The following RIMS4 variants were observed in gnomAD, a reference collection of about 807,000 sequenced individuals.
The protein encoded by RIMS4 is regulating synaptic membrane exocytosis protein 4.
RIMS4 carries 9 observed loss-of-function variants against 29.0 expected under a neutral mutation model. The ratio of observed to expected loss-of-function variants is 0.31; its 90% CI spans 0.19 to 0.54. The LOEUF (loss-of-function observed/expected upper bound fraction) is 0.54. RIMS4 is among the 20% of genes least tolerant of loss of function. The pLI, the probability that RIMS4 is intolerant of heterozygous loss-of-function variation, is 0.94. For synonymous variants in RIMS4, 130 were observed against 152.9 expected (o/e 0.85, Z 1.10); for missense variants, 193 against 365.7 (o/e 0.53, Z 3.85).
chr20:44,758,739 T>C (rs955175645), intron 2 of RIMS4, among the ~76,000 whole-genome samples: 3 of 152,150 alleles, frequency 2.0e-5, no homozygotes, highest in Non-Finnish European at 4.4e-5. Flanking sequence ...GAGACAGGCA[T>C]GTAGCCCAGT....
At chr20:44,778,535 C>T (rs2066170317) in intron 1 of RIMS4, among the ~76,000 whole-genome samples, 3 of 152,106 alleles carry the variant, frequency 2.0e-5, no homozygotes, top group Admixed American at 6.6e-5. Flanking sequence ...AATTACTAGC[C>T]CACACTGTAG....
intron 2 of RIMS4, among the ~76,000 whole-genome samples, chr20:44,770,768 ATT>A (rs2066133604): frequency 6.6e-6 from 1 of 152,200 alleles, no homozygotes; most frequent in Non-Finnish European, 1.5e-5. Context: ...AGTAGTATAC[ATT>A]TTTCAAAACC....
intron 2 of RIMS4, among the ~76,000 whole-genome samples, chr20:44,769,922 G>A (rs907560315): frequency 5.3e-5 from 8 of 152,206 alleles, no homozygotes; most frequent in African/African-American, 1.4e-4. Context: ...CTGTTCAAAC[G>A]AATTTTCTAT....
chr20:44,802,346 C>T (rs1200556081), intron 1 of RIMS4, among the ~76,000 whole-genome samples: 1 of 152,170 alleles, frequency 6.6e-6, no homozygotes, highest in Non-Finnish European at 1.5e-5. Flanking sequence ...TATTATTATG[C>T]CCCATTTTAC....
At position 44,779,017 on chromosome 20, in the gene RIMS4, C is replaced by A. The variant is rs147517364; in HGVS notation, c.98-7604G>T. On this transcript the variant is annotated intron_variant, in intron 1 of 5. Transcript: ENST00000372851. ...CTTTGATTAAAACCCTTCAATGGCA[C>A]CCCATTGCTTGCAGAATAAATTCCA... Among the ~76,000 whole-genome samples, 772 of 152,302 alleles carry A rather than the reference C, an allele frequency of 5.1e-3. 6 individuals are homozygous for A. Among genetic ancestry groups the A allele is most frequent in the South Asian group, 7.0e-3 (34 of 4,824 alleles).
chr20:44,789,414 C>T (rs887602932), intron 1 of RIMS4, among the ~76,000 whole-genome samples: 17 of 152,254 alleles, frequency 1.1e-4, no homozygotes, highest in Non-Finnish European at 1.9e-4. Flanking sequence ...CTCCTGCCTC[C>T]GCCTCCTGAG....
intron 1 of RIMS4, among the ~76,000 whole-genome samples, chr20:44,798,746 C>A (rs1262657930): frequency 1.3e-5 from 2 of 152,238 alleles, no homozygotes; most frequent in African/African-American, 2.4e-5. Flanking sequence ...GCCATCCATT[C>A]TCCAGAGCTC....
At chr20:44,763,428 G>A (rs1275920999) in intron 2 of RIMS4, among the ~76,000 whole-genome samples, 1 of 152,244 alleles carries the variant, frequency 6.6e-6, no homozygotes, top group African/African-American at 2.4e-5. Context: ...GCCTGGGAGA[G>A]CCTCCTTGCC....
chr20:44,781,024 C>T (rs1260277994), intron 1 of RIMS4, among the ~76,000 whole-genome samples: 3 of 152,184 alleles, frequency 2.0e-5, no homozygotes, highest in South Asian at 2.1e-4. Flanking sequence ...ACAAAATATA[C>T]ATTTATTGAG....
intron 2 of RIMS4, among the ~76,000 whole-genome samples, chr20:44,760,465 T>C (rs2066079506): frequency 6.6e-6 from 1 of 152,150 alleles, no homozygotes; most frequent in South Asian, 2.1e-4. Flanking sequence ...CATAGAGGCC[T>C]GGTGGTCTGG....
intron 1 of RIMS4, among the ~76,000 whole-genome samples, chr20:44,801,430 C>T (rs946018715): frequency 6.6e-6 from 1 of 152,146 alleles, no homozygotes; most frequent in Non-Finnish European, 1.5e-5. Flanking sequence ...TAAACTCCCC[C>T]GGGAGCATTT....
At chr20:44,788,042 C>G (rs2066216416) in intron 1 of RIMS4, among the ~76,000 whole-genome samples, 1 of 152,228 alleles carries the variant, frequency 6.6e-6, no homozygotes, top group Admixed American at 6.5e-5. Context: ...CCCAGGCTCA[C>G]AGAGGTGGTA....
intron 1 of RIMS4, among the ~76,000 whole-genome samples, chr20:44,785,230 CTTT>C (rs530864017): frequency 7.0e-6 from 1 of 142,900 alleles, no homozygotes; most frequent in South Asian, 2.3e-4. Flanking sequence ...CATTCTTCTT[CTTT>C]TTTTTTTTTT....
chr20:44,804,665 G>C (rs901587806), intron 1 of RIMS4, among the ~76,000 whole-genome samples: 6 of 152,182 alleles, frequency 3.9e-5, no homozygotes, highest in Non-Finnish European at 7.4e-5. Flanking sequence ...CCCCCACTCA[G>C]CCTTCAGTTG....
intron 1 of RIMS4, among the ~76,000 whole-genome samples, chr20:44,801,950 G>C (rs764512424): frequency 6.6e-6 from 1 of 152,146 alleles, no homozygotes; most frequent in African/African-American, 2.4e-5. Context: ...GGTTCTCAAG[G>C]TAGGGTCCCT....
chr20:44,800,191 C>T (rs2868202), intron 1 of RIMS4, among the ~76,000 whole-genome samples: 37,573 of 151,958 alleles, frequency 0.25, 5,403 homozygotes, highest in East Asian at 0.42. Flanking sequence ...ATGGGCACCA[C>T]CATAAGTGCT....
chr20:44,762,210 C>T (rs974601879), intron 2 of RIMS4, among the ~76,000 whole-genome samples: 2 of 152,176 alleles, frequency 1.3e-5, no homozygotes, highest in African/African-American at 2.4e-5. Flanking sequence ...AGAGCTCAGG[C>T]GGTAACGCTC....
chr20:44,779,550 AT>A (rs1482737822), intron 1 of RIMS4, among the ~76,000 whole-genome samples: 1 of 152,232 alleles, frequency 6.6e-6, no homozygotes, highest in Non-Finnish European at 1.5e-5. Context: ...TGTGGGGTTC[AT>A]CCATGTTGAT....
chr20:44,768,087 C>T (rs1330421448), intron 2 of RIMS4, among the ~76,000 whole-genome samples: 1 of 152,196 alleles, frequency 6.6e-6, no homozygotes, highest in Non-Finnish European at 1.5e-5. Flanking sequence ...CAGAGCGACC[C>T]AACCCACAGG....
Sources: allele counts gnomAD v4.1 joint callset (sites outside exome capture counted in the v4.1 genomes callset), GRCh38; gene constraint gnomAD v4.1.1; transcripts MANE v1.5; gene names NCBI Gene and HGNC (gene_info 2026-07-23, HGNC 2026-07-21).